The following HIVEP2 variants were observed in gnomAD, a reference collection of about 807,000 sequenced individuals.
HIVEP2 encodes HIVEP zinc finger 2, also known as transcription factor HIVEP2.
Under a neutral mutation model 180.7 loss-of-function variants are expected in HIVEP2, and 14 were observed. The observed-to-expected ratio is 0.08, with a 90% CI of 0.05 to 0.12. The LOEUF is 0.12. Among genes scored for constraint, HIVEP2 ranks in the 10% least tolerant of loss-of-function variants. The pLI is 1.00. For missense variants in HIVEP2, 2,579 were observed against 3,008.5 expected, an observed-to-expected ratio of 0.86 and a Z score of 3.34; for synonymous variants, 1,184 against 1,136.4, an observed-to-expected ratio of 1.04 and a Z score of -0.84.
chr6:142,807,129 A>T (rs1362822466), intron 2 of HIVEP2, among the ~76,000 whole-genome samples: 1 of 152,178 alleles, frequency 6.6e-6, no homozygotes, highest in East Asian at 1.9e-4. Context: ...AGGGAGGTGG[A>T]ACAATGGACC....
intron 1 of HIVEP2, among the ~76,000 whole-genome samples, chr6:142,843,453 G>C (rs76053334): frequency 0.014 from 2,107 of 152,338 alleles, 20 homozygotes; most frequent in Middle Eastern, 0.034. Context: ...GTGGGGACTA[G>C]AGTGGTCGCA....
At position 142,772,828 on chromosome 6, in the gene HIVEP2, G is replaced by A; in HGVS notation, c.1911C>T (p.Asp637=). 6.2e-7 allele frequency: 1 copy of A among 1,614,196 alleles called. No homozygotes were observed. Among genetic ancestry groups the A allele is most frequent in the Non-Finnish European group, 8.5e-7 (1 of 1,180,048 alleles). Residue 637 remains aspartate (D), a synonymous_variant, in exon 5 of 10, where the codon GAC becomes GAT. Transcript: ENST00000367603. This position sits in a 1 kb window ranked among gnomAD's most constrained non-coding sequence, Gnocchi z 4.9. ...KLSPGDRVGY[D]YDVCRKPYKK... ...TATAGGGTTTCCGACAGACATCATAGTCATACCCAACCCTGTCCCCAGGAG... is the reference window on the plus strand; with the variant it reads ...TATAGGGTTTCCGACAGACATCATAATCATACCCAACCCTGTCCCCAGGAG...
intron 1 of HIVEP2, among the ~76,000 whole-genome samples, chr6:142,929,930 C>G (rs1420176991): frequency 6.6e-6 from 1 of 152,164 alleles, no homozygotes; most frequent in African/African-American, 2.4e-5. Flanking sequence ...GTTTCACAAA[C>G]TGGCCTCCTC....
At chr6:142,813,951 C>G (rs1776767170) in intron 2 of HIVEP2, among the ~76,000 whole-genome samples, 1 of 151,874 alleles carries the variant, frequency 6.6e-6, no homozygotes, top group African/African-American at 2.4e-5. Flanking sequence ...ATGCTGGTCA[C>G]TGCAAATATA....
chr6:142,835,333 T>C (rs1450093909), intron 2 of HIVEP2, among the ~76,000 whole-genome samples: 1 of 152,206 alleles, frequency 6.6e-6, no homozygotes, highest in Non-Finnish European at 1.5e-5. Context: ...ATGTCCATTC[T>C]CAGGAGGCAC....
At chr6:142,926,380 G>A (rs1582971256) in intron 1 of HIVEP2, among the ~76,000 whole-genome samples, 1 of 152,206 alleles carries the variant, frequency 6.6e-6, no homozygotes, top group Non-Finnish European at 1.5e-5. Flanking sequence ...TAATGATTCT[G>A]TCTGGAAGTG....
chr6:142,839,599 T>C (rs949424348), intron 1 of HIVEP2, among the ~76,000 whole-genome samples: 1 of 152,160 alleles, frequency 6.6e-6, no homozygotes, highest in Non-Finnish European at 1.5e-5. Flanking sequence ...CTTGAGTGAC[T>C]TTCTCTAGCT....
chr6:142,786,808 T>G (rs1366720879), intron 2 of HIVEP2, among the ~76,000 whole-genome samples: 1 of 152,186 alleles, frequency 6.6e-6, no homozygotes, highest in East Asian at 1.9e-4. Flanking sequence ...TTAATATGAC[T>G]CTTACATGAA....
chr6:142,825,287 T>TACAC (rs11468410), intron 2 of HIVEP2, among the ~76,000 whole-genome samples: 54 of 149,816 alleles, frequency 3.6e-4, no homozygotes, highest in Middle Eastern at 3.5e-3. Flanking sequence ...AAAGTCCAAT[T>TACAC]ACACACACAC....
intron 1 of HIVEP2, among the ~76,000 whole-genome samples, chr6:142,867,343 T>C (rs1776166010): frequency 1.3e-5 from 2 of 152,174 alleles, no homozygotes; most frequent in South Asian, 4.1e-4. Flanking sequence ...ATCATATATA[T>C]ACTCAACCAG....
intron 1 of HIVEP2, among the ~76,000 whole-genome samples, chr6:142,927,083 C>T (rs1777837409): frequency 6.6e-6 from 1 of 151,774 alleles, no homozygotes; most frequent in African/African-American, 2.4e-5. Flanking sequence ...CCCCGGCCGG[C>T]CCAGCGCTGC....
At chr6:142,857,860 C>T (rs898137300) in intron 1 of HIVEP2, among the ~76,000 whole-genome samples, 2 of 152,302 alleles carry the variant, frequency 1.3e-5, no homozygotes, top group East Asian at 3.9e-4. Context: ...CGGGGGGAAG[C>T]CACGGGGCTG....
intron 1 of HIVEP2, among the ~76,000 whole-genome samples, chr6:142,941,272 G>A (rs1478676012): frequency 4.6e-5 from 7 of 152,138 alleles, no homozygotes; most frequent in Non-Finnish European, 7.4e-5. Context: ...TCTTTCCCAC[G>A]ACGATTTTGG....
intron 1 of HIVEP2, among the ~76,000 whole-genome samples, chr6:142,893,752 T>C (rs1371846574): frequency 6.6e-6 from 1 of 152,180 alleles, no homozygotes; most frequent in Non-Finnish European, 1.5e-5. Context: ...TGTAACCTCT[T>C]AACCTGTTTC....
At chr6:142,922,308 C>T (rs535415649) in intron 1 of HIVEP2, among the ~76,000 whole-genome samples, 23 of 152,342 alleles carry the variant, frequency 1.5e-4, no homozygotes, top group Non-Finnish European at 2.2e-4. Flanking sequence ...TCTTTTCACC[C>T]TCTGCTTCCC....
chr6:142,853,703 A>G (rs1192539445), intron 1 of HIVEP2, among the ~76,000 whole-genome samples: 1 of 152,206 alleles, frequency 6.6e-6, no homozygotes, highest in Non-Finnish European at 1.5e-5. Context: ...AAACTCTAAG[A>G]GGTAAATAAC....
intron 7 of HIVEP2, 51 bp downstream of exon 7, chr6:142,764,748 C>T: frequency 7.3e-7 from 1 of 1,363,714 alleles, no homozygotes; most frequent in Non-Finnish European, 1.0e-6. Context: ...ACTCAGAAAT[C>T]TAAGTAGCCA....
chr6:142,807,662 G>A (rs777957152), intron 2 of HIVEP2, among the ~76,000 whole-genome samples: 31 of 152,216 alleles, frequency 2.0e-4, no homozygotes, highest in Non-Finnish European at 4.1e-4. Flanking sequence ...AAATTGGCTG[G>A]TGTCATAGTC....
intron 2 of HIVEP2, among the ~76,000 whole-genome samples, chr6:142,823,009 C>A (rs1777080831): frequency 6.6e-6 from 1 of 152,204 alleles, no homozygotes; most frequent in Non-Finnish European, 1.5e-5. Flanking sequence ...CTAAGTATAT[C>A]TAGGATTCCA....
Sources: allele counts gnomAD v4.1 joint callset (sites outside exome capture counted in the v4.1 genomes callset), GRCh38; gene constraint gnomAD v4.1.1; non-coding constraint Gnocchi (gnomAD v3.1); transcripts MANE v1.5; gene names NCBI Gene and HGNC (gene_info 2026-07-23, HGNC 2026-07-21).